Variants in SORCS3 observed in about 807,000 individuals in gnomAD.
The protein encoded by SORCS3 is VPS10 domain-containing receptor SorCS3.
Under a neutral mutation model 146.3 loss-of-function variants are expected in SORCS3, and 57 were observed. The observed-to-expected ratio is 0.39, with a 90% CI of 0.31 to 0.49. The LOEUF is 0.49. SORCS3 is among the 20% of genes least tolerant of loss of function. The pLI is 0.92. For synonymous variants in SORCS3, 653 were observed against 618.5 expected, an observed-to-expected ratio of 1.06 and a Z score of -0.83; for missense variants, 1,341 against 1,575.5, an observed-to-expected ratio of 0.85 and a Z score of 2.52.
At chr10:104,879,210 A>C (rs148527694) in intron 2 of SORCS3, among the ~76,000 whole-genome samples, 22 of 152,302 alleles carry the variant, frequency 1.4e-4, no homozygotes, top group African/African-American at 4.8e-4. Context: ...AGTCCAGTAC[A>C]AGTCTCACTG....
chr10:104,673,051 G>T (rs567995870), intron 1 of SORCS3, among the ~76,000 whole-genome samples: 2 of 151,978 alleles, frequency 1.3e-5, no homozygotes, highest in Admixed American at 6.6e-5. Context: ...AGTCGATTTT[G>T]TTAGATATTA....
chr10:105,006,810 A>G (rs979210709), intron 4 of SORCS3, among the ~76,000 whole-genome samples: 1 of 152,282 alleles, frequency 6.6e-6, no homozygotes, highest in East Asian at 1.9e-4. Context: ...CAACCATCCT[A>G]TGTAAAATCT....
At chr10:104,792,098 G>A (rs373896821) in intron 1 of SORCS3, among the ~76,000 whole-genome samples, 109 of 152,230 alleles carry the variant, frequency 7.2e-4, no homozygotes, top group African/African-American at 2.4e-3. Flanking sequence ...AGAAAGAAAA[G>A]AAGGGGTTAG....
chr10:105,167,832 T>A (rs2056326787), intron 13 of SORCS3, among the ~76,000 whole-genome samples: 1 of 152,106 alleles, frequency 6.6e-6, no homozygotes, highest in Non-Finnish European at 1.5e-5. Flanking sequence ...CATTAACCAC[T>A]AGGTGGTAGT....
chr10:105,109,995 C>T (rs899728830), intron 7 of SORCS3, among the ~76,000 whole-genome samples: 11 of 151,110 alleles, frequency 7.3e-5, no homozygotes, highest in African/African-American at 2.4e-4. Context: ...AGTTTTGGTT[C>T]CTTTCTTCCA....
At chr10:105,233,316 T>C (rs1023806991) in intron 20 of SORCS3, among the ~76,000 whole-genome samples, 2 of 152,330 alleles carry the variant, frequency 1.3e-5, no homozygotes, top group South Asian at 4.1e-4. Flanking sequence ...ACATAAGATA[T>C]ATACATAAGT....
intron 4 of SORCS3, among the ~76,000 whole-genome samples, chr10:104,986,664 A>G (rs1289767995): frequency 6.6e-6 from 1 of 152,192 alleles, no homozygotes; most frequent in Non-Finnish European, 1.5e-5. Context: ...TTGTAGGGCT[A>G]TAAATTGGCC....
intron 1 of SORCS3, among the ~76,000 whole-genome samples, chr10:104,644,720 A>T (rs1338011980): frequency 1.3e-5 from 2 of 152,176 alleles, no homozygotes; most frequent in Non-Finnish European, 2.9e-5. Flanking sequence ...GGAGTATTAG[A>T]CATGTCCTTA....
intron 4 of SORCS3, among the ~76,000 whole-genome samples, chr10:105,026,461 C>G (rs2055232119): frequency 6.6e-6 from 1 of 152,188 alleles, no homozygotes; most frequent in South Asian, 2.1e-4. Context: ...ATTCAACCAG[C>G]AATCCCATTA....
At chr10:105,051,715 C>T (rs1012706552) in intron 5 of SORCS3, among the ~76,000 whole-genome samples, 4 of 152,178 alleles carry the variant, frequency 2.6e-5, no homozygotes, top group Admixed American at 6.5e-5. Context: ...TTTGCAATCT[C>T]AAGTAATGGG....
intron 1 of SORCS3, among the ~76,000 whole-genome samples, chr10:104,734,292 G>A (rs1459865850): frequency 6.6e-6 from 1 of 152,176 alleles, no homozygotes; most frequent in Non-Finnish European, 1.5e-5. Context: ...ATGTTAGTAT[G>A]AATTAGTCAG....
chr10:105,051,283 G>A (rs1425809184), intron 5 of SORCS3, among the ~76,000 whole-genome samples: 1 of 152,054 alleles, frequency 6.6e-6, no homozygotes, highest in Non-Finnish European at 1.5e-5. Flanking sequence ...AGACACCCGT[G>A]TCAGCCTAAT....
intron 8 of SORCS3, 108 bp downstream of exon 8, chr10:105,139,594 G>A (rs2056081515): frequency 2.5e-6 from 2 of 816,246 alleles, no homozygotes; most frequent in Admixed American, 4.0e-5. Context: ...AAGGACTGCT[G>A]GCATTTAGAC....
At chr10:105,151,260 AT>A (rs2056165612) in intron 9 of SORCS3, among the ~76,000 whole-genome samples, 1 of 152,148 alleles carries the variant, frequency 6.6e-6, no homozygotes, top group African/African-American at 2.4e-5. Flanking sequence ...TAGGGATCCT[AT>A]TTTATGAAAT....
chr10:105,189,317 C>G (rs539086308), intron 14 of SORCS3, among the ~76,000 whole-genome samples: 1 of 152,088 alleles, frequency 6.6e-6, no homozygotes, highest in African/African-American at 2.4e-5. Context: ...CATCTTTGTC[C>G]CTGTCATTCT....
chr10:105,186,643 G>A (rs1277886967), intron 14 of SORCS3, among the ~76,000 whole-genome samples: 7 of 152,044 alleles, frequency 4.6e-5, no homozygotes, highest in African/African-American at 1.4e-4. Context: ...AGCACTTTGG[G>A]AGGCTGAGGT....
intron 1 of SORCS3, among the ~76,000 whole-genome samples, chr10:104,695,433 T>G (rs1200041238): frequency 2.6e-5 from 4 of 151,576 alleles, no homozygotes; most frequent in African/African-American, 7.3e-5. Flanking sequence ...GTATACCATT[T>G]AAAAAGAACA....
At chr10:105,188,007 T>G (rs775674387) in intron 14 of SORCS3, among the ~76,000 whole-genome samples, 2 of 152,026 alleles carry the variant, frequency 1.3e-5, no homozygotes, top group East Asian at 3.9e-4. Context: ...CTGCTGCTGG[T>G]GGTGGTGGTG....
intron 1 of SORCS3, among the ~76,000 whole-genome samples, chr10:104,738,168 T>C (rs1311193798): frequency 6.6e-6 from 1 of 152,216 alleles, no homozygotes; most frequent in East Asian, 1.9e-4. Flanking sequence ...ACTGTAGCCT[T>C]GTAGTATAGT....
Sources: allele counts gnomAD v4.1 joint callset (sites outside exome capture counted in the v4.1 genomes callset), GRCh38; gene constraint gnomAD v4.1.1; transcripts MANE v1.5; gene names NCBI Gene and HGNC (gene_info 2026-07-23, HGNC 2026-07-21).